The following CDKAL1 variants were observed in gnomAD, a reference collection of about 807,000 sequenced individuals.
The protein encoded by CDKAL1 is threonylcarbamoyladenosine tRNA methylthiotransferase.
Under a neutral mutation model 68.2 loss-of-function variants are expected in CDKAL1, and 32 were observed. The observed-to-expected ratio is 0.47, with a 90% CI of 0.35 to 0.63. The LOEUF is 0.63. CDKAL1 is among the 30% of genes least tolerant of loss of function. The pLI, the probability that CDKAL1 is intolerant of heterozygous loss-of-function variation, is 0.00. For missense variants in CDKAL1, 606 were observed against 696.7 expected (o/e 0.87, Z 1.47); for synonymous variants, 234 against 244.3 (o/e 0.96, Z 0.39).
chr6:21,131,877 G>A (rs1775338704), intron 13 of CDKAL1, among the ~76,000 whole-genome samples: 2 of 152,062 alleles, frequency 1.3e-5, no homozygotes, highest in Admixed American at 1.3e-4. Flanking sequence ...AGACCACTTT[G>A]TGATTCTTTA....
At chr6:21,119,406 T>C (rs979684281) in intron 13 of CDKAL1, among the ~76,000 whole-genome samples, 1 of 152,370 alleles carries the variant, frequency 6.6e-6, no homozygotes. Flanking sequence ...GTTATTTTAA[T>C]GTGAAGTTAC....
chr6:20,762,557 C>T (rs572458402), intron 7 of CDKAL1, among the ~76,000 whole-genome samples: 2 of 152,264 alleles, frequency 1.3e-5, no homozygotes, highest in Admixed American at 1.3e-4. Flanking sequence ...ATTCAGACAG[C>T]ATATGTCACT....
intron 13 of CDKAL1, among the ~76,000 whole-genome samples, chr6:21,118,837 T>C (rs765493203): frequency 9.2e-5 from 14 of 152,224 alleles, no homozygotes; most frequent in Non-Finnish European, 1.5e-4. Flanking sequence ...GCTATCGTTA[T>C]GTGGTAGACA....
intron 13 of CDKAL1, among the ~76,000 whole-genome samples, chr6:21,195,477 T>TTTTTTTTA (rs1554194774): frequency 5.0e-4 from 59 of 118,586 alleles, no homozygotes; most frequent in Non-Finnish European, 8.2e-4. Flanking sequence ...GAGATGTTTT[T>TTTTTTTTA]TTTATTTATT....
At chr6:20,584,219 G>T (rs1017617683) in intron 4 of CDKAL1, among the ~76,000 whole-genome samples, 4 of 152,004 alleles carry the variant, frequency 2.6e-5, no homozygotes, top group Admixed American at 1.3e-4. Context: ...GTAAATAGGG[G>T]TCTGTGGTGT....
At chr6:20,949,739 G>A (rs989843684) in intron 9 of CDKAL1, among the ~76,000 whole-genome samples, 13 of 151,744 alleles carry the variant, frequency 8.6e-5, no homozygotes, top group Admixed American at 1.3e-4. Flanking sequence ...CAAGAGGGTT[G>A]GAGGCACAGG....
chr6:20,913,227 A>G (rs1762553338), intron 9 of CDKAL1, among the ~76,000 whole-genome samples: 1 of 152,100 alleles, frequency 6.6e-6, no homozygotes, highest in African/African-American at 2.4e-5. Context: ...GGAGTCTGGC[A>G]TAGCTTACCT....
intron 6 of CDKAL1, among the ~76,000 whole-genome samples, chr6:20,740,815 A>G (rs563844819): frequency 2.6e-5 from 4 of 152,198 alleles, no homozygotes; most frequent in South Asian, 2.1e-4. Context: ...TGTTTTCACC[A>G]TTTGTCTGTT....
intron 2 of CDKAL1, among the ~76,000 whole-genome samples, chr6:20,542,900 A>T (rs566856703): frequency 2.6e-5 from 4 of 152,372 alleles, no homozygotes; most frequent in Admixed American, 1.3e-4. Flanking sequence ...AGCATGTTAT[A>T]TAAAAGTGAT....
intron 13 of CDKAL1, among the ~76,000 whole-genome samples, chr6:21,109,566 A>G (rs1213699941): frequency 1.3e-5 from 2 of 152,244 alleles, no homozygotes; most frequent in African/African-American, 4.8e-5. Context: ...GATATGTAAT[A>G]CTAAAACTTA....
At chr6:21,029,543 C>G (rs1274208641) in intron 11 of CDKAL1, among the ~76,000 whole-genome samples, 1 of 152,122 alleles carries the variant, frequency 6.6e-6, no homozygotes, top group African/African-American at 2.4e-5. Context: ...AGTGAATAGG[C>G]AACCTGCAGA....
intron 8 of CDKAL1, among the ~76,000 whole-genome samples, chr6:20,805,489 G>C (rs1443136851): frequency 1.3e-5 from 2 of 152,146 alleles, no homozygotes; most frequent in African/African-American, 4.8e-5. Context: ...AGCATAGTTT[G>C]AATATCTCAC....
chr6:20,954,782 G>A (rs570655510), intron 9 of CDKAL1, among the ~76,000 whole-genome samples: 23 of 152,248 alleles, frequency 1.5e-4, no homozygotes, highest in Middle Eastern at 3.4e-3. Context: ...CCTAAAGTCT[G>A]ATTTGTGGAA....
At chr6:21,157,628 G>T (rs1047502554) in intron 13 of CDKAL1, among the ~76,000 whole-genome samples, 1 of 152,154 alleles carries the variant, frequency 6.6e-6, no homozygotes, top group African/African-American at 2.4e-5. Flanking sequence ...CTCTTTGTTT[G>T]TTCCTCGTCA....
intron 4 of CDKAL1, among the ~76,000 whole-genome samples, chr6:20,635,586 C>A (rs1767869084): frequency 6.6e-6 from 1 of 152,124 alleles, no homozygotes; most frequent in Non-Finnish European, 1.5e-5. Context: ...TTTGAGCATC[C>A]TGCGGTTACT....
chr6:20,893,941 T>G (rs1300678471), intron 9 of CDKAL1, among the ~76,000 whole-genome samples: 1 of 152,192 alleles, frequency 6.6e-6, no homozygotes, highest in Admixed American at 6.5e-5. Context: ...TAACATTATT[T>G]TATGTTAATA....
At chr6:21,065,676 C>CT (rs200076110) in intron 12 of CDKAL1, among the ~76,000 whole-genome samples, 39,609 of 133,136 alleles carry the variant, frequency 0.3, 6,195 homozygotes, top group African/African-American at 0.35. Flanking sequence ...ATCTTTCTAC[C>CT]TTTTTTTTTT....
intron 11 of CDKAL1, among the ~76,000 whole-genome samples, chr6:21,032,183 G>A (rs185309983): frequency 6.6e-6 from 1 of 152,172 alleles, no homozygotes; most frequent in East Asian, 1.9e-4. Context: ...GGCTATTTTA[G>A]TTTCTCTATA....
At chr6:20,632,886 GA>G (rs1767735580) in intron 4 of CDKAL1, among the ~76,000 whole-genome samples, 1 of 152,166 alleles carries the variant, frequency 6.6e-6, no homozygotes. Context: ...AGAGAGTAGA[GA>G]AAGCTTCCTG....
Sources: allele counts gnomAD v4.1 joint callset (sites outside exome capture counted in the v4.1 genomes callset), GRCh38; gene constraint gnomAD v4.1.1; transcripts MANE v1.5; gene names NCBI Gene and HGNC (gene_info 2026-07-23, HGNC 2026-07-21).